CELSR3: variants seen among roughly 807,000 people sequenced by gnomAD.
CELSR3 encodes EGF-like protein 1.
Under a neutral mutation model 270.0 loss-of-function variants are expected in CELSR3, and 73 were observed. The ratio of observed to expected loss-of-function variants is 0.27; its 90% CI spans 0.22 to 0.33. CELSR3 has a LOEUF of 0.33. CELSR3 is among the 10% of genes least tolerant of loss of function. The pLI is 1.00. For missense variants in CELSR3, 3,614 were observed against 4,533.8 expected, an observed-to-expected ratio of 0.80 and a Z score of 5.83; for synonymous variants, 1,780 against 1,905.4, an observed-to-expected ratio of 0.93 and a Z score of 1.71.
intron 2 of CELSR3, 95 bp from the exon 3 acceptor site, chr3:48,656,460 A>C: frequency 2.4e-6 from 3 of 1,229,098 alleles, no homozygotes; most frequent in East Asian, 3.0e-5. Flanking sequence ...GGGTGCCAAG[A>C]CCCCCGAAAG....
chr3:48,648,240 C>CG, intron 19 of CELSR3, 26 bp downstream of exon 19: 2 of 973,556 alleles, frequency 2.1e-6, no homozygotes, highest in Non-Finnish European at 1.6e-6. Context: ...CCTGCTGTGC[C>CG]CCGCCCTACC....
rs144752972 is a variant in CELSR3 at position 48,657,025 on chromosome 3, C to T, written c.4072G>A (p.Val1358Met). 5.0e-6 allele frequency: 8 copies of T among 1,613,578 alleles called. No homozygotes were observed. Among genetic ancestry groups the T allele is most frequent in the Non-Finnish European group, 5.9e-6 (7 of 1,179,826 alleles). ...SSEELQEQLY[V>M]RRAALAARSL... is the part of the protein sequence containing the mutation. ...CGAGCCGCCAGCGCCGCCCGGCGCA[C>T]GTACAACTGCTCCTGCAGCTCCTCG... is the stretch of plus-strand genomic sequence containing the variant. The change falls in exon 2 of 35, where the codon GTG becomes ATG. Residue 1358 changes from valine to methionine, a missense_variant. Around this residue, in one of 7 missense-constraint regions of CELSR3, gnomAD observed 1,331 missense variants for 1,933.7 expected, o/e 0.69. Coordinates refer to ENST00000164024, the MANE Select transcript of CELSR3 (RefSeq NM_001407.3). This position sits in a 1 kb window ranked among gnomAD's most constrained non-coding sequence, Gnocchi z 5.4.
At chr3:48,643,833 T>G (rs979941213) in intron 27 of CELSR3, 156 bp from the exon 28 acceptor site, 2 of 818,704 alleles carry the variant, frequency 2.4e-6, no homozygotes, top group Non-Finnish European at 3.7e-6. Context: ...CTGGGGGAGA[T>G]GGGAGGTCCC....
Position 48,645,203 on chromosome 3 carries a change from A to G in CELSR3, c.7804T>C (p.Cys2602Arg). The change falls in exon 25 of 35, where the codon TGC becomes CGC. Residue 2602 changes from cysteine to arginine, a missense_variant. By Grantham distance (180) the Cys-to-Arg change is radical. Coordinates refer to ENST00000164024, the MANE Select transcript of CELSR3 (RefSeq NM_001407.3). The surrounding 1 kb of genome is among the most constrained non-coding windows in gnomAD (Gnocchi z 5.4). Reference sequence around the variant, plus strand: ...TGCAGGAGGATGGCGACTGCAGTGCACACCAGCTGAGGGCAGGGGGGCGTG... The same window carrying G: ...TGCAGGAGGATGGCGACTGCAGTGCGCACCAGCTGAGGGCAGGGGGGCGTG... ...GIHRTHNQLV[C>R]TAVAILLHYF... is the part of the protein sequence containing the mutation. The G allele has an allele frequency of 6.4e-7, 1 of 1,573,212 alleles. No individual in the cohort carries two copies. Among genetic ancestry groups the G allele is most frequent in the Non-Finnish European group, 8.7e-7 (1 of 1,152,938 alleles).
In CELSR3 at chr3:48,659,751, C is replaced by A; in HGVS notation, c.2884G>T (p.Val962Leu). The change falls in exon 1 of 35, where the codon GTG (valine) becomes TTG (leucine). Residue 962 changes from valine (V) to leucine (L), a missense_variant. Coordinates refer to ENST00000164024, the MANE Select transcript of CELSR3 (RefSeq NM_001407.3). This position sits in a 1 kb window ranked among gnomAD's most constrained non-coding sequence, Gnocchi z 8.1. ...NDVNDNAPQFVASHYTGLVSE... is the reference protein window; with the variant it reads ...NDVNDNAPQFLASHYTGLVSE... ...ACCAGCCCTGTATAGTGGGAGGCCACAAATTGTGGAGCATTGTCATTCACG... is the reference window on the plus strand; with the variant it reads ...ACCAGCCCTGTATAGTGGGAGGCCAAAAATTGTGGAGCATTGTCATTCACG... 6.2e-7 allele frequency: 1 copy of A among 1,614,226 alleles called. No homozygotes were observed. Among genetic ancestry groups the A allele is most frequent in the Non-Finnish European group, 8.5e-7 (1 of 1,180,044 alleles).
rs1337438084 is a variant in CELSR3 at position 48,655,313 on chromosome 3, T to C, written c.4823A>G (p.Tyr1608Cys). Residue 1608 changes from tyrosine (Y) to cysteine (C), a missense_variant, in exon 5 of 35, where the codon TAC becomes TGC. Tyr to Cys is a radical substitution (Grantham distance 194, BLOSUM62 -2). Coordinates refer to ENST00000164024, the MANE Select transcript of CELSR3 (RefSeq NM_001407.3). The surrounding 1 kb of genome is among the most constrained non-coding windows in gnomAD (Gnocchi z 5.8). ...GQWHTVHLRY[Y>C]NKPRTDALGG... ...GCCAGGGATGGCCCCCACCTTGTTGTAGTATCTCAGATGCACTGTATGCCA... is the reference window on the plus strand; with the variant it reads ...GCCAGGGATGGCCCCCACCTTGTTGCAGTATCTCAGATGCACTGTATGCCA... 6.2e-7 allele frequency: 1 copy of C among 1,613,966 alleles called. No homozygotes were observed. The highest frequency in any genetic ancestry group is 8.5e-7 in the Non-Finnish European group (1 of 1,179,996).
rs1193589001 is a variant in CELSR3 at position 48,646,079 on chromosome 3, G to A, written c.7463+11C>T. The A allele has an allele frequency of 6.2e-7, 1 of 1,611,776 alleles. No homozygotes were observed. The highest frequency in any genetic ancestry group is 2.2e-5 in the East Asian group (1 of 44,862). On this transcript the variant is annotated intron_variant, in intron 22 of 34. Coordinates refer to ENST00000164024, the MANE Select transcript of CELSR3 (RefSeq NM_001407.3). This position sits in a 1 kb window ranked among gnomAD's most constrained non-coding sequence, Gnocchi z 4.8. ...AACGGGACCAAGGGTTTCCAGAATG[G>A]GGGTCCTCACAGGCCAGGTGGGTCC...
In CELSR3 at chr3:48,652,319, G is replaced by A; in HGVS notation, c.5751+118C>T. 9 of 882,268 alleles carry A rather than the reference G, an allele frequency of 1.0e-5. No individual in the cohort carries two copies. The South Asian group carries it at 1.2e-4, about 11-fold the overall frequency. The allele number at this position is 882,268 out of a possible 1,614,324, so 54.7% of individuals were successfully genotyped here. A position where few individuals can be genotyped will look rare whatever the true frequency, so the allele number is the denominator to read the frequency against. ...GGCTTGACCTAGCTCTCAACTCTGG[G>A]TCATTCACCCCCTCGCACCAACCCC... On this transcript the variant is annotated intron_variant, in intron 11 of 34. Coordinates refer to ENST00000164024, the MANE Select transcript of CELSR3 (RefSeq NM_001407.3). The surrounding 1 kb of genome is among the most constrained non-coding windows in gnomAD (Gnocchi z 4.3).
intron 2 of CELSR3, 55 bp from the exon 3 acceptor site, chr3:48,656,420 GC>G: frequency 1.5e-6 from 2 of 1,367,650 alleles, no homozygotes; most frequent in Non-Finnish European, 1.9e-6. Context: ...CCCTGCTCCG[GC>G]CCCTTCAAAG....
Position 48,652,387 on chromosome 3 carries a change from C to G in CELSR3, c.5751+50G>C. ...TCAGGTCCCAAGGAGCCCCTGACTT[C>G]TGACCCCTGACCCTAATGCCCCATA... On this transcript the variant is annotated intron_variant, in intron 11 of 34. Transcript: ENST00000164024. This position sits in a 1 kb window ranked among gnomAD's most constrained non-coding sequence, Gnocchi z 4.3. The G allele has an allele frequency of 6.9e-7, 1 of 1,443,420 alleles. No homozygotes were observed. 89.4% of individuals were successfully genotyped at this position (1,443,420 alleles called of 1,614,324 possible).
In CELSR3 at chr3:48,655,999, CGA is replaced by C. The variant is rs2047177376; in HGVS notation, c.4625+139_4625+140del. 1 of 1,129,690 alleles carries C rather than the reference CGA, an allele frequency of 8.9e-7. No homozygotes were observed. Among genetic ancestry groups the C allele is most frequent in the Admixed American group, 2.0e-5 (1 of 49,390 alleles). 70.0% of individuals were successfully genotyped at this position (1,129,690 alleles called of 1,614,324 possible). On this transcript the variant is annotated intron_variant, in intron 3 of 34. Transcript: ENST00000164024. The surrounding 1 kb of genome is among the most constrained non-coding windows in gnomAD (Gnocchi z 5.8). ...ACCGACCGGGGGGACGCGGGTGCAGCGAGGTCAGGAGACCCCGGGCGGGGCGT... is the reference window on the plus strand; with the variant it reads ...ACCGACCGGGGGGACGCGGGTGCAGCGGTCAGGAGACCCCGGGCGGGGCGT...
chr3:48,655,387 G>A lies in CELSR3; in HGVS notation c.4749C>T (p.Ser1583=). The A allele has an allele frequency of 2.5e-6, 4 of 1,614,094 alleles. No homozygotes were observed. Among genetic ancestry groups the A allele is most frequent in the Non-Finnish European group, 3.4e-6 (4 of 1,179,982 alleles). Residue 1583 remains serine (S), a synonymous_variant, in exon 5 of 35, where the codon TCC becomes TCT. Transcript: ENST00000164024. The surrounding 1 kb of genome is among the most constrained non-coding windows in gnomAD (Gnocchi z 5.8). ...QVRLTYSTGE[S]NTVVSPTVPG... ...GAACTGTGGGGCTGACCACGGTGTT[G>A]GATTCACCTGGAGGGGAGATGCATG...
In CELSR3 at chr3:48,640,739, T is replaced by A; in HGVS notation, c.9026-180A>T. The A allele has an allele frequency of 3.5e-6, 2 of 570,564 alleles. No individual in the cohort carries two copies. The highest frequency in any genetic ancestry group is 5.8e-6 in the Non-Finnish European group (2 of 344,718). The allele number at this position is 570,564 out of a possible 1,614,324, so 35.3% of individuals were successfully genotyped here. On this transcript the variant is annotated intron_variant, in intron 33 of 34. Coordinates refer to ENST00000164024, the MANE Select transcript of CELSR3 (RefSeq NM_001407.3). The surrounding 1 kb of genome is among the most constrained non-coding windows in gnomAD (Gnocchi z 7.5). ...TCCCAGAGAGGCAGCAGGACAGGGG[T>A]CAGAGTGGAAGGGCAGTCATCTTCC...
rs2047058011 is a variant in CELSR3 at position 48,644,252 on chromosome 3, G to A, written c.8129C>T (p.Ser2710Phe). 6.2e-7 allele frequency: 1 copy of A among 1,613,190 alleles called. No homozygotes were observed. The highest frequency in any genetic ancestry group is 8.5e-7 in the Non-Finnish European group (1 of 1,179,932). The change falls in exon 27 of 35, where the codon TCC becomes TTC. Residue 2710 changes from serine (S) to phenylalanine (F), a missense_variant. Coordinates refer to ENST00000164024, the MANE Select transcript of CELSR3 (RefSeq NM_001407.3). This position sits in a 1 kb window ranked among gnomAD's most constrained non-coding sequence, Gnocchi z 4.8. ...CTTCTTGGCCTCCCTCTGCCCTGTG[G>A]AGCAGGATGTGCGGGCAGCGAGGAG... ...MFLLAARTSC[S>F]TGQREAKKTS...
Position 48,642,599 on chromosome 3 carries a change from A to T in CELSR3, c.8556-132T>A. The stretch of plus-strand genomic sequence containing the variant: ...TGGGTGTGTGTGGTGGGAAGCATTT[A>T]GGGCAGAGGCAGAAGCAGGGCCCCA... On this transcript the variant is annotated intron_variant, in intron 30 of 34. Transcript: ENST00000164024. The surrounding 1 kb of genome is among the most constrained non-coding windows in gnomAD (Gnocchi z 6.1). 1 of 1,438,450 alleles carries T rather than the reference A, an allele frequency of 7.0e-7. No individual in the cohort carries two copies. Among genetic ancestry groups the T allele is most frequent in the Non-Finnish European group, 9.4e-7 (1 of 1,066,472 alleles). The allele number at this position is 1,438,450 out of a possible 1,614,324, so 89.1% of individuals were successfully genotyped here.
chr3:48,659,616 C>T lies in CELSR3; in HGVS notation c.3019G>A (p.Asp1007Asn). 6.2e-7 allele frequency: 1 copy of T among 1,614,190 alleles called. No homozygotes were observed. Among genetic ancestry groups the T allele is most frequent in the Non-Finnish European group, 8.5e-7 (1 of 1,180,040 alleles). Residue 1007 changes from aspartate to asparagine, a missense_variant, in exon 1 of 35, where the codon GAT becomes AAT. Around this residue, in one of 7 missense-constraint regions of CELSR3, gnomAD observed 1,331 missense variants for 1,933.7 expected, o/e 0.69. Coordinates refer to ENST00000164024, the MANE Select transcript of CELSR3 (RefSeq NM_001407.3). The surrounding 1 kb of genome is among the most constrained non-coding windows in gnomAD (Gnocchi z 8.1). ...GTGGGCTCAATGGTAAAATCTCCATCCCCATCTTCACCATTCTGGAAAGTG... is the reference window on the plus strand; with the variant it reads ...GTGGGCTCAATGGTAAAATCTCCATTCCCATCTTCACCATTCTGGAAAGTG... ...QYTFQNGEDG[D>N]GDFTIEPTSG...
Position 48,646,684 on chromosome 3 carries a change from C to T in CELSR3, c.7295+79G>A. The stretch of plus-strand genomic sequence containing the variant: ...TGTGCTCCTCTCTGTGTGTTGTGAA[C>T]CTACGCATCTACCCACCAAAAAAGG... On this transcript the variant is annotated intron_variant, in intron 21 of 34. Transcript: ENST00000164024. The surrounding 1 kb of genome is among the most constrained non-coding windows in gnomAD (Gnocchi z 4.8). The T allele has an allele frequency of 7.1e-7, 1 of 1,413,718 alleles. No homozygotes were observed. 87.6% of individuals were successfully genotyped at this position (1,413,718 alleles called of 1,614,324 possible).
chr3:48,651,977 C>A lies in CELSR3; in HGVS notation c.5823G>T (p.Glu1941Asp). The change falls in exon 12 of 35, where the codon GAG becomes GAT. Residue 1941 changes from glutamate to aspartate, a missense_variant. By Grantham distance (45) the Glu-to-Asp change is conservative. Around this residue, in one of 7 missense-constraint regions of CELSR3, gnomAD observed 1,331 missense variants for 1,933.7 expected, o/e 0.69. Coordinates refer to ENST00000164024, the MANE Select transcript of CELSR3 (RefSeq NM_001407.3). This position sits in a 1 kb window ranked among gnomAD's most constrained non-coding sequence, Gnocchi z 7.4. ...LLPPSHRVNA[E>D]PGCVVTNACA... Reference sequence around the variant, plus strand: ...AGGCGTTGGTCACAACACAGCCAGGCTCCGCATTCACTCGGTGGCTGGGGG... The same window carrying A: ...AGGCGTTGGTCACAACACAGCCAGGATCCGCATTCACTCGGTGGCTGGGGG... 1 of 1,599,222 alleles carries A rather than the reference C, an allele frequency of 6.3e-7. No homozygotes were observed. The highest frequency in any genetic ancestry group is 2.2e-5 in the East Asian group (1 of 44,782).
chr3:48,644,841 A>G lies in CELSR3; in HGVS notation c.7973-13T>C, dbSNP rs371971086. 6 of 1,608,950 alleles carry G rather than the reference A, an allele frequency of 3.7e-6. No individual in the cohort carries two copies. In the African/African-American group the frequency reaches 8.0e-5, roughly 22 times the overall value. ...CCCACAGCAAGGCCTTGGGAAGAGA[A>G]AGGGTAGGACTGAGGGTGTGTGTTC... On this transcript the variant is annotated splice_polypyrimidine_tract_variant and intron_variant, in intron 25 of 34. Transcript: ENST00000164024. The surrounding 1 kb of genome is among the most constrained non-coding windows in gnomAD (Gnocchi z 4.8).
Sources: gnomAD v4.1 joint callset for allele counts on GRCh38, gnomAD v4.1.1 for gene constraint, gnomAD v4.1.1 regional missense constraint, Gnocchi (gnomAD v3.1) non-coding constraint, MANE v1.5 for transcripts, NCBI Gene and HGNC (gene_info 2026-07-23, HGNC 2026-07-21) for gene names.